Variants in CCDC85C observed in about 807,000 individuals in gnomAD.
CCDC85C encodes coiled-coil domain containing 85C.
A neutral mutation model predicts 38.3 loss-of-function variants in CCDC85C; 18 were observed. The observed-to-expected ratio is 0.47, with a 90% CI of 0.33 to 0.70. The LOEUF (loss-of-function observed/expected upper bound fraction) is 0.70, where lower values mean the gene tolerates loss of function less well. Among genes scored for constraint, CCDC85C ranks in the 30% least tolerant of loss-of-function variants. The pLI is 0.03. For missense variants in CCDC85C, 566 were observed against 621.2 expected, an observed-to-expected ratio of 0.91 and a Z score of 0.94; for synonymous variants, 264 against 293.8, an observed-to-expected ratio of 0.90 and a Z score of 1.04.
chr14:99,536,903 C>T (rs1025489620), intron 1 of CCDC85C, among the ~76,000 whole-genome samples: 1 of 152,330 alleles, frequency 6.6e-6, no homozygotes. Flanking sequence ...CCTGCCTCCC[C>T]CCAGGCTGGG....
At position 99,502,648 on chromosome 14, in the gene CCDC85C, AT is replaced by A; in HGVS notation, c.*12597del. 2 of 1,454,552 alleles carry A rather than the reference AT, an allele frequency of 1.4e-6. No homozygotes were observed. Among genetic ancestry groups the A allele is most frequent in the Non-Finnish European group, 1.9e-6 (2 of 1,049,242 alleles). The allele number at this position is 1,454,552 out of a possible 1,614,324, so 90.1% of individuals were successfully genotyped here. On this transcript the variant is annotated 3_prime_UTR_variant, in exon 6 of 6. Transcript: ENST00000380243. ...GGTCCTCGTAGGGGTATCATAACTGATTCTTTATCCAGGTAAAATTTTATTT... is the reference window on the plus strand; with the variant it reads ...GGTCCTCGTAGGGGTATCATAACTGATCTTTATCCAGGTAAAATTTTATTT...
rs1421578543 is a variant in CCDC85C at position 99,501,736 on chromosome 14, G to A, written c.*13510C>T. The A allele has an allele frequency of 6.4e-6, 2 of 311,282 alleles. No homozygotes were observed. Among genetic ancestry groups the A allele is most frequent in the Non-Finnish European group, 1.2e-5 (2 of 169,578 alleles). The allele number at this position is 311,282 out of a possible 1,614,324, so 19.3% of individuals were successfully genotyped here. A position where few individuals can be genotyped will look rare whatever the true frequency, so the allele number is the denominator to read the frequency against. On this transcript the variant is annotated 3_prime_UTR_variant, in exon 6 of 6. Coordinates refer to ENST00000380243, the MANE Select transcript of CCDC85C (RefSeq NM_001144995.2). ...TGGTTTTGCAAAAATATACTTCCTG[G>A]TATAGTTTTAGAGCCTTAACACTCT... is the stretch of plus-strand genomic sequence containing the variant.
At chr14:99,521,914 G>A (rs78951212) in intron 3 of CCDC85C, among the ~76,000 whole-genome samples, 3,957 of 152,302 alleles carry the variant, frequency 0.026, 162 homozygotes, top group African/African-American at 0.09. Flanking sequence ...GCAGCCCTGC[G>A]CACGTGGCCT....
chr14:99,567,290 G>A (rs1369334670), intron 1 of CCDC85C, among the ~76,000 whole-genome samples: 6 of 152,190 alleles, frequency 3.9e-5, no homozygotes, highest in Non-Finnish European at 8.8e-5. Context: ...TGGCCGCACA[G>A]AACAGACCCA....
chr14:99,600,756 C>T (rs551158535), intron 1 of CCDC85C, among the ~76,000 whole-genome samples: 8 of 152,236 alleles, frequency 5.3e-5, no homozygotes, highest in Non-Finnish European at 1.2e-4. Flanking sequence ...ACATAAGGCG[C>T]AAGCCTGGTG....
Position 99,516,476 on chromosome 14 carries a change from C to T in CCDC85C, c.1072-190G>A, listed in dbSNP as rs533023195. Among the ~76,000 whole-genome samples the T allele has an allele frequency of 1.3e-5, 2 of 152,246 alleles. No homozygotes were observed. The highest frequency in any genetic ancestry group is 4.8e-5 in the African/African-American group (2 of 41,548). ...CATCTCACCCTGCTGACACTGGATG[C>T]CCTACAAGGGAAGCAGCTCATGGCT... On this transcript the variant is annotated intron_variant, in intron 4 of 5. Coordinates refer to ENST00000380243, the MANE Select transcript of CCDC85C (RefSeq NM_001144995.2). This position sits in a 1 kb window ranked among gnomAD's most constrained non-coding sequence, Gnocchi z 5.5.
intron 3 of CCDC85C, among the ~76,000 whole-genome samples, chr14:99,517,954 G>A (rs1275596303): frequency 6.6e-6 from 1 of 152,214 alleles, no homozygotes; most frequent in Non-Finnish European, 1.5e-5. Context: ...CCCAGAGCCA[G>A]ACAGAAAACA....
intron 1 of CCDC85C, among the ~76,000 whole-genome samples, chr14:99,552,970 C>A (rs12888297): frequency 1.3e-5 from 2 of 151,880 alleles, no homozygotes; most frequent in Non-Finnish European, 2.9e-5. Flanking sequence ...CCCAGGCCAC[C>A]AGGGATGGCC....
intron 1 of CCDC85C, among the ~76,000 whole-genome samples, chr14:99,553,167 G>A (rs1897945670): frequency 6.6e-6 from 1 of 152,178 alleles, no homozygotes; most frequent in Non-Finnish European, 1.5e-5. Flanking sequence ...ATCTGTAAAT[G>A]GGAAGGATGA....
At chr14:99,586,792 G>A (rs950941015) in intron 1 of CCDC85C, among the ~76,000 whole-genome samples, 9 of 151,986 alleles carry the variant, frequency 5.9e-5, no homozygotes, top group Admixed American at 3.3e-4. Context: ...CTGCTCTGCC[G>A]GCCGCCCCTT....
intron 3 of CCDC85C, among the ~76,000 whole-genome samples, chr14:99,518,837 C>A (rs1371386065): frequency 6.6e-6 from 1 of 152,188 alleles, no homozygotes; most frequent in Non-Finnish European, 1.5e-5. Context: ...CCGCCCCTCT[C>A]CTGCCCGCCT....
intron 1 of CCDC85C, among the ~76,000 whole-genome samples, chr14:99,564,982 G>C (rs1401960744): frequency 6.6e-6 from 1 of 152,144 alleles, no homozygotes; most frequent in Non-Finnish European, 1.5e-5. Flanking sequence ...GCTGCCACAG[G>C]GGGCAACCAA....
At position 99,502,912 on chromosome 14, in the gene CCDC85C, G is replaced by T. The variant is rs1376395802; in HGVS notation, c.*12334C>A. ...AGGACCCCCAGCAACCAGCCCAGCAGCAGCAGCCAGCCCAACAGCCCAAGA... is the reference window on the plus strand; with the variant it reads ...AGGACCCCCAGCAACCAGCCCAGCATCAGCAGCCAGCCCAACAGCCCAAGA... On this transcript the variant is annotated 3_prime_UTR_variant, in exon 6 of 6. Coordinates refer to ENST00000380243, the MANE Select transcript of CCDC85C (RefSeq NM_001144995.2). 1.2e-6 allele frequency: 2 copies of T among 1,613,602 alleles called. No individual in the cohort carries two copies. Among genetic ancestry groups the T allele is most frequent in the Non-Finnish European group, 1.7e-6 (2 of 1,179,780 alleles).
At position 99,544,504 on chromosome 14, in the gene CCDC85C, G is replaced by A. The variant is rs1310498190; in HGVS notation, c.794-8416C>T. 6.6e-6 allele frequency among the ~76,000 whole-genome samples: 1 copy of A among 151,874 alleles called. No homozygotes were observed. The highest frequency in any genetic ancestry group is 2.4e-5 in the African/African-American group (1 of 41,162). On this transcript the variant is annotated intron_variant, in intron 1 of 5. Transcript: ENST00000380243. The surrounding 1 kb of genome is among the most constrained non-coding windows in gnomAD (Gnocchi z 5.3). The stretch of plus-strand genomic sequence containing the variant: ...AAATTTGAAGGGTGTGTGTGTGTGT[G>A]TGTGTGTGTGTGTCTGTGTGTCTGT...
chr14:99,520,658 C>CT lies in CCDC85C; in HGVS notation c.975+1474dup, dbSNP rs557163142. Among the ~76,000 whole-genome samples the CT allele has an allele frequency of 8.7e-4, 132 of 152,298 alleles. No individual in the cohort carries two copies. The highest frequency in any genetic ancestry group is 3.0e-3 in the African/African-American group (126 of 41,574). On this transcript the variant is annotated intron_variant, in intron 3 of 5. Transcript: ENST00000380243. The surrounding 1 kb of genome is among the most constrained non-coding windows in gnomAD (Gnocchi z 4.1). ...GAACCTCAGTTTATCACCCGGCCTC[C>CT]TGGCCTCATGGAGGAGCGACCCCTG... is the stretch of plus-strand genomic sequence containing the variant.
chr14:99,528,349 C>T (rs759402853), intron 2 of CCDC85C, among the ~76,000 whole-genome samples: 5 of 152,250 alleles, frequency 3.3e-5, no homozygotes, highest in Admixed American at 1.3e-4. Flanking sequence ...AGCCCAAAGC[C>T]ACCAGGACCT....
rs200317241 is a variant in CCDC85C, at chr14:99,514,241, TCA to T, written c.*1003_*1004del. 8.4e-3 allele frequency: 1,286 copies of T among 152,212 alleles called. 21 individuals carry two copies. The highest frequency in any genetic ancestry group is 0.016 in the Admixed American group (250 of 15,270). The allele number at this position is 152,212 out of a possible 1,614,324, so 9.4% of individuals were successfully genotyped here. On this transcript the variant is annotated 3_prime_UTR_variant, in exon 6 of 6. Transcript: ENST00000380243. ...GACAGGCTGAGTGAACTGCTAAAGGTCACACCACAAACTAAAGGCAGAACCTG... is the reference window on the plus strand; with the variant it reads ...GACAGGCTGAGTGAACTGCTAAAGGTCACCACAAACTAAAGGCAGAACCTG...
At chr14:99,523,280 G>A (rs928702707) in intron 2 of CCDC85C, among the ~76,000 whole-genome samples, 18 of 152,112 alleles carry the variant, frequency 1.2e-4, no homozygotes, top group Non-Finnish European at 1.5e-5. Context: ...CCAGCCCCTC[G>A]GCCTGGCTGT....
In CCDC85C at chr14:99,535,349, G is replaced by A. The variant is rs948791683; in HGVS notation, c.867+666C>T. Reference sequence around the variant, plus strand: ...GCTTGAGAGGTCGCCAAGCCAGCTGGCCCCCAACACCCAAGCGTGACTGCC... The same window carrying A: ...GCTTGAGAGGTCGCCAAGCCAGCTGACCCCCAACACCCAAGCGTGACTGCC... On this transcript the variant is annotated intron_variant, in intron 2 of 5. Transcript: ENST00000380243. The surrounding 1 kb of genome is among the most constrained non-coding windows in gnomAD (Gnocchi z 5.5). Among the ~76,000 whole-genome samples, 1 of 152,128 alleles carries A rather than the reference G, an allele frequency of 6.6e-6. No individual in the cohort carries two copies. Among genetic ancestry groups the A allele is most frequent in the Admixed American group, 6.5e-5 (1 of 15,286 alleles).
Sources: gnomAD v4.1 joint callset for allele counts (sites outside exome capture counted in the v4.1 genomes callset) on GRCh38, gnomAD v4.1.1 for gene constraint, Gnocchi (gnomAD v3.1) non-coding constraint, MANE v1.5 for transcripts, NCBI Gene and HGNC (gene_info 2026-07-23, HGNC 2026-07-21) for gene names.